Variants in CKM observed in about 807,000 individuals in gnomAD.
CKM encodes creatine kinase, M-type.
Under a neutral mutation model 35.4 loss-of-function variants are expected in CKM, and 28 were observed. The observed-to-expected ratio is 0.79, with a 90% CI of 0.59 to 1.08. The LOEUF is 1.08. Ranked by LOEUF, CKM falls within the 50% of genes least tolerant of loss-of-function variation. The pLI is 0.00. For synonymous variants in CKM, 215 were observed against 204.4 expected (o/e 1.05, Z -0.44); for missense variants, 484 against 509.8 (o/e 0.95, Z 0.49).
rs1346690995 is a variant in CKM at position 45,319,687 on chromosome 19, CTTG to C, written c.24_26del (p.Asn8del). 6.2e-7 allele frequency: 1 copy of C among 1,614,072 alleles called. No individual in the cohort carries two copies. The highest frequency in any genetic ancestry group is 8.5e-7 in the Non-Finnish European group (1 of 1,180,050). On this transcript the variant is annotated inframe_deletion, in exon 2 of 8. Coordinates refer to ENST00000221476, the MANE Select transcript of CKM (RefSeq NM_001824.5). ...CCTCAGGCTTGTAATTCAGCTTGAA[CTTG>C]TTGTGGGTGTTACCGAATGGCATGG...
intron 2 of CKM, among the ~76,000 whole-genome samples, chr19:45,318,211 C>A (rs1199875976): frequency 6.6e-6 from 1 of 152,034 alleles, no homozygotes; most frequent in African/African-American, 2.4e-5. Flanking sequence ...AGTGTGAGAC[C>A]AGCCTGGCCA....
intron 6 of CKM, 75 bp downstream of exon 6, chr19:45,308,334 A>C (rs1424768952): frequency 6.4e-7 from 1 of 1,572,330 alleles, no homozygotes; most frequent in Admixed American, 1.7e-5. Context: ...GTATAGGGGA[A>C]GGGGCGGGGC....
intron 3 of CKM, among the ~76,000 whole-genome samples, chr19:45,317,280 T>C (rs1971167500): frequency 6.7e-6 from 1 of 149,036 alleles, no homozygotes; most frequent in Non-Finnish European, 1.5e-5. Context: ...GCTAATTTAT[T>C]TTATTTATTT....
At position 45,317,991 on chromosome 19, in the gene CKM, G is replaced by C. The variant is rs1971176128; in HGVS notation, c.194-12C>G. 1 of 1,613,646 alleles carries C rather than the reference G, an allele frequency of 6.2e-7. No homozygotes were observed. The highest frequency in any genetic ancestry group is 8.5e-7 in the Non-Finnish European group (1 of 1,179,754). On this transcript the variant is annotated splice_polypyrimidine_tract_variant and intron_variant, in intron 2 of 7. Coordinates refer to ENST00000221476, the MANE Select transcript of CKM (RefSeq NM_001824.5). The stretch of plus-strand genomic sequence containing the variant: ...GATGAAGGGGTGACCTGGAGGGGTG[G>C]GGGTGAGGTCAGAGCTGCTTGTCCC...
chr19:45,307,561 A>G lies in CKM; in HGVS notation c.867T>C (p.Thr289=), dbSNP rs756392729. The G allele has an allele frequency of 6.2e-7, 1 of 1,614,144 alleles. No individual in the cohort carries two copies. The highest frequency in any genetic ancestry group is 8.5e-7 in the Non-Finnish European group (1 of 1,179,988). The change falls in exon 7 of 8, where the codon ACT becomes ACC. Residue 289 remains threonine (T), a synonymous_variant. Transcript: ENST00000221476. ...TCACATGCACGCCTCCACGCAGCCC[A>G]GTGCCCAGGTTGGATGGGCAGGTGA... ...YVLTCPSNLG[T]GLRGGVHVKL...
At chr19:45,322,738 A>T (rs900864885) in intron 1 of CKM, 83 bp downstream of exon 1, 1 of 858,674 alleles carries the variant, frequency 1.2e-6, no homozygotes, top group African/African-American at 1.8e-5. Context: ...GGTGACACAC[A>T]GACCCTTTCC....
chr19:45,306,697 C>G lies in CKM; in HGVS notation c.*53G>C. On this transcript the variant is annotated 3_prime_UTR_variant, in exon 8 of 8. Coordinates refer to ENST00000221476, the MANE Select transcript of CKM (RefSeq NM_001824.5). The surrounding 1 kb of genome is among the most constrained non-coding windows in gnomAD (Gnocchi z 4.5). ...AGTGAGGGAGCAGGACTCTGGTGGG[C>G]CAGGCCCTCCCACTGGCTGGGTTCC... 6.3e-7 allele frequency: 1 copy of G among 1,598,328 alleles called. No individual in the cohort carries two copies. The highest frequency in any genetic ancestry group is 1.1e-5 in the South Asian group (1 of 90,742).
chr19:45,310,874 C>A (rs1328957241), intron 5 of CKM, among the ~76,000 whole-genome samples: 1 of 142,590 alleles, frequency 7.0e-6, no homozygotes, highest in Admixed American at 7.2e-5. Flanking sequence ...GGGTTCAGGC[C>A]ATTCTCCTGC....
chr19:45,317,743 G>T, intron 3 of CKM, 82 bp downstream of exon 3: 1 of 1,450,290 alleles, frequency 6.9e-7, no homozygotes, highest in Non-Finnish European at 9.7e-7. Context: ...CTCTGTCTCT[G>T]TATTTCTCTG....
chr19:45,314,912 G>A (rs1401905016), intron 4 of CKM, among the ~76,000 whole-genome samples: 1 of 151,654 alleles, frequency 6.6e-6, no homozygotes, highest in Non-Finnish European at 1.5e-5. Context: ...GGGTCTTGCT[G>A]TATTGCCCAG....
chr19:45,312,028 C>A lies in CKM; in HGVS notation c.482-108G>T, dbSNP rs1971115641. 4.0e-6 allele frequency: 5 copies of A among 1,253,450 alleles called. No individual in the cohort carries two copies. In the South Asian group the frequency reaches 6.2e-5, roughly 16 times the overall value. The allele number at this position is 1,253,450 out of a possible 1,614,324, so 77.6% of individuals were successfully genotyped here. ...CTCCTAACGGGCCTGGGCCTTGGCCCCCTGGATGTCCTAAAGGCACCTGAA... is the reference window on the plus strand; with the variant it reads ...CTCCTAACGGGCCTGGGCCTTGGCCACCTGGATGTCCTAAAGGCACCTGAA... On this transcript the variant is annotated intron_variant, in intron 4 of 7. Transcript: ENST00000221476.
At chr19:45,310,339 C>T (rs1038801116) in intron 5 of CKM, among the ~76,000 whole-genome samples, 1 of 151,728 alleles carries the variant, frequency 6.6e-6, no homozygotes, top group African/African-American at 2.4e-5. Flanking sequence ...CCAGGATGGT[C>T]TCGATCTCCT....
intron 3 of CKM, among the ~76,000 whole-genome samples, chr19:45,317,350 C>G (rs17875606): frequency 6.6e-6 from 1 of 152,066 alleles, no homozygotes; most frequent in African/African-American, 2.4e-5. Flanking sequence ...TGCAATGGCA[C>G]GATCTCTGCT....
chr19:45,310,241 C>T (rs1971094651), intron 5 of CKM, among the ~76,000 whole-genome samples: 1 of 151,184 alleles, frequency 6.6e-6, no homozygotes, highest in Non-Finnish European at 1.5e-5. Flanking sequence ...CTGCCTCAGC[C>T]TCACGAGTAA....
chr19:45,311,603 G>A, intron 5 of CKM, 146 bp downstream of exon 5: 1 of 701,442 alleles, frequency 1.4e-6, no homozygotes, highest in Admixed American at 2.6e-5. Flanking sequence ...GATGGGCAGG[G>A]GCGGAGGGCA....
intron 5 of CKM, among the ~76,000 whole-genome samples, chr19:45,309,778 G>A (rs988418493): frequency 4.0e-5 from 6 of 149,032 alleles, no homozygotes; most frequent in African/African-American, 1.2e-4. Context: ...TGAGAGGATC[G>A]TTTGAACCCG....
intron 5 of CKM, 79 bp downstream of exon 5, chr19:45,311,670 G>A (rs562372230): frequency 1.6e-6 from 2 of 1,253,150 alleles, no homozygotes; most frequent in Admixed American, 4.2e-5. Context: ...CTTGGTTTTG[G>A]TGGAGGAGTG....
rs762646021 is a variant in CKM at position 45,311,920 on chromosome 19, G to C, written c.482C>G (p.Ala161Gly). ...GAACTCGCCCGTCAGGCTGTTGAGA[G>C]CTATGGGGACACACGAGGGAGTGGT... is the stretch of plus-strand genomic sequence containing the variant. ...RRAVEKLSVE[A>G]LNSLTGEFKG... The change falls in exon 5 of 8, where the codon GCT becomes GGT. Residue 161 changes from alanine (A) to glycine (G), a missense_variant and splice_region_variant. Ala to Gly is a moderately conservative substitution (Grantham distance 60, BLOSUM62 0). Coordinates refer to ENST00000221476, the MANE Select transcript of CKM (RefSeq NM_001824.5). 1.2e-6 allele frequency: 2 copies of C among 1,613,868 alleles called. No homozygotes were observed. Among genetic ancestry groups the C allele is most frequent in the Non-Finnish European group, 1.7e-6 (2 of 1,179,940 alleles).
chr19:45,316,872 A>C (rs1680726927), intron 3 of CKM, among the ~76,000 whole-genome samples: 2 of 150,926 alleles, frequency 1.3e-5, no homozygotes, highest in African/African-American at 2.4e-5. Flanking sequence ...TTTTTAATAG[A>C]GACTGGGTTT....
Sources: allele counts gnomAD v4.1 joint callset (sites outside exome capture counted in the v4.1 genomes callset), GRCh38; gene constraint gnomAD v4.1.1; non-coding constraint Gnocchi (gnomAD v3.1); transcripts MANE v1.5; gene names NCBI Gene and HGNC (gene_info 2026-07-23, HGNC 2026-07-21).